Variants in KDR observed in about 807,000 individuals in gnomAD.
KDR encodes vascular endothelial growth factor receptor 2.
In KDR, 43 loss-of-function variants were observed where a neutral mutation model predicts 160.9. The ratio of observed to expected loss-of-function variants is 0.27; its 90% CI spans 0.21 to 0.34. KDR has a LOEUF of 0.34. Among genes scored for constraint, KDR ranks in the 10% least tolerant of loss-of-function variants. The pLI is 1.00. For synonymous variants in KDR, 617 were observed against 600.1 expected (o/e 1.03, Z -0.41); for missense variants, 1,469 against 1,666.4 (o/e 0.88, Z 2.06).
At chr4:55,097,620 G>T in intron 18 of KDR, 42 bp downstream of exon 18, 1 of 1,276,010 alleles carries the variant, frequency 7.8e-7, no homozygotes, top group Non-Finnish European at 1.1e-6. Flanking sequence ...TTAAAGACTA[G>T]ATAAAACAGA....
chr4:55,115,698 A>G (rs913074771), intron 3 of KDR, among the ~76,000 whole-genome samples: 1 of 152,222 alleles, frequency 6.6e-6, no homozygotes, highest in African/African-American at 2.4e-5. Flanking sequence ...CACAAGGTTT[A>G]TTGACAAGCA....
chr4:55,112,432 T>C (rs1374808853), intron 7 of KDR, among the ~76,000 whole-genome samples: 1 of 152,126 alleles, frequency 6.6e-6, no homozygotes, highest in Non-Finnish European at 1.5e-5. Flanking sequence ...ATATAAAATA[T>C]GTGTTAATTG....
Position 55,107,910 on chromosome 4 carries a change from C to G in KDR, c.1256-17G>C. ...GGGGTGGGACTGAAGATGGGAAAAACAACTTTTGAATTGTCAGTCAGCTTT... is the reference window on the plus strand; with the variant it reads ...GGGGTGGGACTGAAGATGGGAAAAAGAACTTTTGAATTGTCAGTCAGCTTT... On this transcript the variant is annotated splice_polypyrimidine_tract_variant and intron_variant, in intron 9 of 29. Coordinates refer to ENST00000263923, the MANE Select transcript of KDR (RefSeq NM_002253.4). 6.2e-7 allele frequency: 1 copy of G among 1,613,670 alleles called. No individual in the cohort carries two copies. The highest frequency in any genetic ancestry group is 1.3e-5 in the African/African-American group (1 of 75,000).
At position 55,098,982 on chromosome 4, in the gene KDR, AATTTATTTATTTATTTATTT is replaced by A. The variant is rs71930411; in HGVS notation, c.2267-199_2267-180del. On this transcript the variant is annotated intron_variant, in intron 15 of 29. Transcript: ENST00000263923. ...TCTACAGAATTCTTTTTTTGAATTT[AATTTATTTATTTATTTATTT>A]ATTTATTTATTTATTTATTTATTTA... is the stretch of plus-strand genomic sequence containing the variant. 9.1e-5 allele frequency among the ~76,000 whole-genome samples: 13 copies of A among 143,042 alleles called. No homozygotes were observed. The East Asian group carries it at 2.0e-3, about 22-fold the overall frequency. The allele number at this position is 143,042 out of a possible 152,430, so 93.8% of individuals were successfully genotyped here.
Position 55,094,714 on chromosome 4 carries a change from T to TC in KDR, c.2971+87dup, listed in dbSNP as rs1720104862. On this transcript the variant is annotated intron_variant, in intron 21 of 29. Coordinates refer to ENST00000263923, the MANE Select transcript of KDR (RefSeq NM_002253.4). ...AAATTATGAGGTAGTATTGGACTTT[T>TC]CCCATGATCAAATTCCTTGTAACAC... 4 of 1,256,558 alleles carry TC rather than the reference T, an allele frequency of 3.2e-6. No homozygotes were observed. In the Admixed American group the frequency reaches 6.7e-5, roughly 21 times the overall value. 77.8% of individuals were successfully genotyped at this position (1,256,558 alleles called of 1,614,324 possible).
intron 2 of KDR, among the ~76,000 whole-genome samples, chr4:55,119,428 G>A (rs1720812240): frequency 6.6e-6 from 1 of 152,116 alleles, no homozygotes; most frequent in Non-Finnish European, 1.5e-5. Context: ...ATGCCTTTAT[G>A]GAACCTCAGT....
At chr4:55,088,212 C>T (rs75860138) in intron 26 of KDR, among the ~76,000 whole-genome samples, 2,607 of 152,254 alleles carry the variant, frequency 0.017, 35 homozygotes, top group Middle Eastern at 0.034. Context: ...GAAAATGGGT[C>T]TTTTGAGAAA....
chr4:55,115,509 C>A, intron 3 of KDR, 98 bp from the exon 4 acceptor site: 1 of 712,246 alleles, frequency 1.4e-6, no homozygotes. Flanking sequence ...AAGTGAATGA[C>A]TGGAAGGGAC....
chr4:55,096,396 A>T, intron 18 of KDR, 54 bp from the exon 19 acceptor site: 1 of 1,313,372 alleles, frequency 7.6e-7, no homozygotes, highest in Non-Finnish European at 1.1e-6. Flanking sequence ...TCCTTCAATA[A>T]TTGGGGTCCC....
intron 15 of KDR, among the ~76,000 whole-genome samples, 179 bp from the exon 16 acceptor site, chr4:55,098,982 AATTTATTTATTTATTTATTTATTT>A (rs71930411): frequency 1.2e-4 from 17 of 142,956 alleles, no homozygotes; most frequent in South Asian, 4.5e-4. Flanking sequence ...TTTTGAATTT[AATTTATTTATTTATTTATTTATTT>A]ATTTATTTAT....
intron 15 of KDR, among the ~76,000 whole-genome samples, chr4:55,101,451 T>C (rs1430494701): frequency 6.6e-6 from 1 of 152,218 alleles, no homozygotes. Context: ...AGATACAAAC[T>C]AATCTTCAAA....
At chr4:55,118,823 G>A in intron 2 of KDR, 23 bp from the exon 3 acceptor site, 2 of 1,596,420 alleles carry the variant, frequency 1.3e-6, no homozygotes, top group Non-Finnish European at 8.6e-7. Context: ...TTTCAGGGAG[G>A]TATTAATATG....
At chr4:55,091,406 AAG>A (rs1203138492) in intron 22 of KDR, among the ~76,000 whole-genome samples, 38 of 152,334 alleles carry the variant, frequency 2.5e-4, no homozygotes, top group African/African-American at 8.4e-4. Context: ...GATGTAAGGA[AAG>A]TTAAAGCATT....
rs1720449016 is a variant in KDR at position 55,106,562 on chromosome 4, C to CT, written c.1536+124dup. On this transcript the variant is annotated intron_variant, in intron 11 of 29. Transcript: ENST00000263923. ...AAAGTCAATGGTATTTTCAAAGTGA[C>CT]TTAATACGCTCTATTTAATCATCCA... The CT allele has an allele frequency of 5.2e-6, 4 of 765,630 alleles. No homozygotes were observed. The South Asian group carries it at 6.2e-5, about 12-fold the overall frequency. 47.4% of individuals were successfully genotyped at this position (765,630 alleles called of 1,614,324 possible).
intron 9 of KDR, 38 bp from the exon 10 acceptor site, chr4:55,107,931 G>C: frequency 6.2e-7 from 1 of 1,610,846 alleles, no homozygotes; most frequent in Non-Finnish European, 8.5e-7. Context: ...TTGTCAGTCA[G>C]CTTTGAAGAA....
chr4:55,115,644 A>G (rs2110032280), intron 3 of KDR, among the ~76,000 whole-genome samples: 1 of 152,214 alleles, frequency 6.6e-6, no homozygotes, highest in South Asian at 2.1e-4. Context: ...ATCTGTGTGT[A>G]TAAAAATTTT....
chr4:55,097,811 T>C (rs1190340156), intron 17 of KDR, 45 bp from the exon 18 acceptor site: 1 of 1,349,042 alleles, frequency 7.4e-7, no homozygotes, highest in Non-Finnish European at 1.1e-6. Context: ...CTTGGATTAC[T>C]ATACAACCAA....
chr4:55,122,455 G>A (rs1227204329), intron 1 of KDR, among the ~76,000 whole-genome samples: 1 of 152,164 alleles, frequency 6.6e-6, no homozygotes, highest in Non-Finnish European at 1.5e-5. Flanking sequence ...GCAAATAAGA[G>A]AGTATGAACA....
chr4:55,095,066 G>A, intron 20 of KDR, 111 bp from the exon 21 acceptor site: 1 of 1,077,592 alleles, frequency 9.3e-7, no homozygotes, highest in Non-Finnish European at 1.4e-6. Flanking sequence ...CTACTAAAAA[G>A]CAGACAAGGA....
Sources: gnomAD v4.1 joint callset for allele counts (sites outside exome capture counted in the v4.1 genomes callset) on GRCh38, gnomAD v4.1.1 for gene constraint, MANE v1.5 for transcripts, NCBI Gene and HGNC (gene_info 2026-07-23, HGNC 2026-07-21) for gene names.